The following ABTB3 variants were observed in gnomAD, a reference collection of about 807,000 sequenced individuals.
ABTB3 encodes ankyrin repeat and BTB domain containing 3.
chr12:107,604,738 A>G, the ABTB3 span, among the ~76,000 whole-genome samples: 11 of 152,254 alleles, frequency 7.2e-5, no homozygotes, highest in Non-Finnish European at 1.3e-4. Flanking sequence ...TAGAATTACT[A>G]TAAGATCCAG....
the ABTB3 span, among the ~76,000 whole-genome samples, chr12:107,377,333 C>A: frequency 6.6e-6 from 1 of 151,990 alleles, no homozygotes; most frequent in African/African-American, 2.4e-5. Context: ...TCCCTCTGTC[C>A]GGTTTTGCTT....
At chr12:107,400,520 C>T in the ABTB3 span, among the ~76,000 whole-genome samples, 10 of 152,250 alleles carry the variant, frequency 6.6e-5, no homozygotes, top group South Asian at 1.9e-3. Flanking sequence ...TGTTTGCATG[C>T]ATGTGGCCAT....
At chr12:107,320,551 G>T in the ABTB3 span, 3 of 456,000 alleles carry the variant, frequency 6.6e-6, no homozygotes, top group Non-Finnish European at 1.3e-5. Context: ...CCCTCGGGGG[G>T]CACGCAGTGC....
At chr12:107,354,584 C>T in the ABTB3 span, among the ~76,000 whole-genome samples, 1 of 152,162 alleles carries the variant, frequency 6.6e-6, no homozygotes, top group Non-Finnish European at 1.5e-5. Context: ...GTACCTTATT[C>T]CTTTTTTATT....
the ABTB3 span, chr12:107,651,626 T>C: frequency 3.6e-6 from 5 of 1,396,302 alleles, no homozygotes; most frequent in Non-Finnish European, 4.1e-6. Flanking sequence ...TGTTACCTCC[T>C]TTCCATCCAC....
the ABTB3 span, among the ~76,000 whole-genome samples, chr12:107,356,420 GC>G: frequency 6.6e-6 from 1 of 152,198 alleles, no homozygotes; most frequent in African/African-American, 2.4e-5. Flanking sequence ...CTGGCTGGGA[GC>G]TGGGGCCCAG....
At chr12:107,583,648 C>A in the ABTB3 span, among the ~76,000 whole-genome samples, 9 of 152,162 alleles carry the variant, frequency 5.9e-5, no homozygotes, top group Non-Finnish European at 1.0e-4. Context: ...ATCTCTGCGC[C>A]CCCCCTCCTC....
the ABTB3 span, among the ~76,000 whole-genome samples, chr12:107,656,334 G>GA: frequency 4.6e-5 from 7 of 151,808 alleles, no homozygotes; most frequent in South Asian, 8.3e-4. Flanking sequence ...CTCTGGCCTT[G>GA]AAAAAATTAT....
chr12:107,462,508 C>A, the ABTB3 span, among the ~76,000 whole-genome samples: 1 of 152,012 alleles, frequency 6.6e-6, no homozygotes, highest in Non-Finnish European at 1.5e-5. Context: ...GGAAATGACA[C>A]TACTGATGAT....
At chr12:107,467,564 GA>G in the ABTB3 span, among the ~76,000 whole-genome samples, 2 of 152,106 alleles carry the variant, frequency 1.3e-5, no homozygotes, top group African/African-American at 4.8e-5. Context: ...GAAACACCTG[GA>G]TTCTGCGTTA....
chr12:107,519,119 C>T, the ABTB3 span, among the ~76,000 whole-genome samples: 2 of 152,114 alleles, frequency 1.3e-5, no homozygotes, highest in Non-Finnish European at 1.5e-5. Flanking sequence ...TAACTAACAT[C>T]CCCACTCTCT....
chr12:107,350,679 C>T, the ABTB3 span, among the ~76,000 whole-genome samples: 2 of 152,124 alleles, frequency 1.3e-5, no homozygotes, highest in Non-Finnish European at 2.9e-5. Flanking sequence ...CAAAGCATCT[C>T]TTTGGGTAAA....
At chr12:107,462,671 GTGA>G in the ABTB3 span, among the ~76,000 whole-genome samples, 2 of 151,814 alleles carry the variant, frequency 1.3e-5, no homozygotes, top group African/African-American at 4.8e-5. Context: ...GGTGGTGATA[GTGA>G]TGATGATGGT....
chr12:107,458,954 C>A, the ABTB3 span, among the ~76,000 whole-genome samples: 6 of 152,182 alleles, frequency 3.9e-5, no homozygotes, highest in Admixed American at 3.3e-4. Context: ...AACTCTAAGG[C>A]CTTTGAGAAC....
the ABTB3 span, among the ~76,000 whole-genome samples, chr12:107,396,864 G>A: frequency 2.6e-5 from 4 of 152,128 alleles, no homozygotes; most frequent in South Asian, 2.1e-4. Flanking sequence ...CTGTCTTTAC[G>A]TTGTGCTGTC....
chr12:107,469,853 CTT>C, the ABTB3 span, among the ~76,000 whole-genome samples: 2 of 132,564 alleles, frequency 1.5e-5, no homozygotes, highest in Non-Finnish European at 3.2e-5. Flanking sequence ...CTCTCTTTCT[CTT>C]TCTTTCTTTC....
the ABTB3 span, among the ~76,000 whole-genome samples, chr12:107,474,723 C>A: frequency 6.6e-6 from 1 of 152,196 alleles, no homozygotes; most frequent in Non-Finnish European, 1.5e-5. Context: ...AAAGCCTTAA[C>A]TTGTTATTAC....
chr12:107,572,923 G>T, the ABTB3 span, among the ~76,000 whole-genome samples: 9 of 152,202 alleles, frequency 5.9e-5, no homozygotes, highest in African/African-American at 1.9e-4. Flanking sequence ...AGGATGTGCA[G>T]CTGGAAAGCC....
the ABTB3 span, among the ~76,000 whole-genome samples, chr12:107,557,600 T>A: frequency 1.2e-3 from 185 of 152,282 alleles, no homozygotes; most frequent in Non-Finnish European, 2.0e-3. Context: ...AGTCAATCCA[T>A]AAGCATGCAT....
Sources: allele counts gnomAD v4.1 joint callset (sites outside exome capture counted in the v4.1 genomes callset), GRCh38; gene constraint gnomAD v4.1.1; transcripts MANE v1.5; gene names NCBI Gene and HGNC (gene_info 2026-07-23, HGNC 2026-07-21).